BAIAP2L1: variants seen among roughly 807,000 people sequenced by gnomAD.
The protein encoded by BAIAP2L1 is BAR/IMD domain-containing adapter protein 2-like 1.
A neutral mutation model predicts 66.3 loss-of-function variants in BAIAP2L1; 35 were observed. The ratio of observed to expected loss-of-function variants is 0.53; its 90% CI spans 0.40 to 0.70. The LOEUF (loss-of-function observed/expected upper bound fraction) is 0.70. BAIAP2L1 is among the 30% of genes least tolerant of loss of function. The probability of loss-of-function intolerance (pLI) is 0.00; values close to 1 mark genes in which losing one functional copy is unlikely to be tolerated. For synonymous variants in BAIAP2L1, 269 were observed against 248.7 expected (o/e 1.08, Z -0.77); for missense variants, 622 against 656.9 (o/e 0.95, Z 0.58).
intron 1 of BAIAP2L1, among the ~76,000 whole-genome samples, chr7:98,394,574 G>A (rs539206951): frequency 6.6e-6 from 1 of 152,272 alleles, no homozygotes; most frequent in East Asian, 1.9e-4. Flanking sequence ...TAAAAGGATG[G>A]GAAATAGCAG....
At chr7:98,386,686 T>G in intron 1 of BAIAP2L1, 5 of 475,322 alleles carry the variant, frequency 1.1e-5, no homozygotes, top group East Asian at 3.8e-5. Flanking sequence ...TATTCAACTT[T>G]CCAAAGGTTT....
chr7:98,350,116 G>A (rs6971915), intron 3 of BAIAP2L1, among the ~76,000 whole-genome samples: 57,007 of 147,448 alleles, frequency 0.39, 12,149 homozygotes, highest in Middle Eastern at 0.55. Context: ...AAAAAGGGGG[G>A]AAAAAAAAAA....
At chr7:98,296,206 C>T (rs530956172) in intron 12 of BAIAP2L1, among the ~76,000 whole-genome samples, 10 of 152,328 alleles carry the variant, frequency 6.6e-5, no homozygotes, top group East Asian at 1.9e-4. Flanking sequence ...GGGATGGTCA[C>T]GGAGGTGGGC....
At chr7:98,336,142 G>A (rs903691165) in intron 3 of BAIAP2L1, among the ~76,000 whole-genome samples, 2 of 151,032 alleles carry the variant, frequency 1.3e-5, no homozygotes, top group African/African-American at 4.9e-5. Context: ...TGGGGACTAT[G>A]AGGGGGGGTG....
rs62478236 is a variant in BAIAP2L1, at chr7:98,401,065, G to A, written c.-213C>T. 154,070 of 377,936 alleles carry A rather than the reference G, an allele frequency of 0.41. 34,425 individuals carry two copies. Among genetic ancestry groups the A allele is most frequent in the Middle Eastern group, 0.54 (738 of 1,378 alleles). 23.4% of individuals were successfully genotyped at this position (377,936 alleles called of 1,614,324 possible). ...GCCCTGGCCTTCTTCGAGGAGCAGA[G>A]GAGAAGCGGCCGGACGCCGCCAGAG... On this transcript the variant is annotated 5_prime_UTR_variant, in exon 1 of 14. Transcript: ENST00000005260.
rs539041589 is a variant in BAIAP2L1 at position 98,292,872 on chromosome 7, C to G, written c.*649G>C. On this transcript the variant is annotated 3_prime_UTR_variant, in exon 14 of 14. Transcript: ENST00000005260. Reference sequence around the variant, plus strand: ...CCTAACTACCAAGAAAAGGAGCTCTCGGAGGAGATTTCGTCGAGTGCTACG... The same window carrying G: ...CCTAACTACCAAGAAAAGGAGCTCTGGGAGGAGATTTCGTCGAGTGCTACG... 2.1e-6 allele frequency: 3 copies of G among 1,444,538 alleles called. No homozygotes were observed. The Admixed American group carries it at 8.2e-5, about 39-fold the overall frequency. The allele number at this position is 1,444,538 out of a possible 1,614,324, so 89.5% of individuals were successfully genotyped here.
intron 3 of BAIAP2L1, among the ~76,000 whole-genome samples, chr7:98,338,467 A>G (rs1051059277): frequency 1.3e-5 from 2 of 150,488 alleles, no homozygotes; most frequent in East Asian, 3.9e-4. Context: ...GCCATTCCCC[A>G]TTCCCCTTTC....
intron 2 of BAIAP2L1, among the ~76,000 whole-genome samples, chr7:98,359,677 C>T (rs1270337405): frequency 6.6e-6 from 1 of 152,016 alleles, no homozygotes; most frequent in Non-Finnish European, 1.5e-5. Flanking sequence ...GCCACACCAA[C>T]CCACACCACT....
At chr7:98,328,242 C>T (rs1333062533) in intron 3 of BAIAP2L1, among the ~76,000 whole-genome samples, 1 of 151,990 alleles carries the variant, frequency 6.6e-6, no homozygotes, top group East Asian at 1.9e-4. Context: ...GGGCCAGGCA[C>T]CACGAAAGGG....
At chr7:98,309,657 T>C (rs1800798170) in intron 9 of BAIAP2L1, 2 of 152,346 alleles carry the variant, frequency 1.3e-5, no homozygotes, top group Admixed American at 1.3e-4. Flanking sequence ...TTTTGCCCAA[T>C]AGCTTCACAC....
Position 98,306,435 on chromosome 7 carries a change from C to T in BAIAP2L1, c.1241+4G>A. On this transcript the variant is annotated splice_donor_region_variant and intron_variant, in intron 11 of 13. Transcript: ENST00000005260. ...CGGGAGAGCTCAGCCACGTTCAGGG[C>T]TACCTTGGCGTGGGCACGGTCACTG... The T allele has an allele frequency of 1.2e-6, 2 of 1,614,158 alleles. No homozygotes were observed. Among genetic ancestry groups the T allele is most frequent in the East Asian group, 2.2e-5 (1 of 44,886 alleles).
intron 1 of BAIAP2L1, among the ~76,000 whole-genome samples, chr7:98,399,651 A>G (rs1385956880): frequency 6.6e-6 from 1 of 152,202 alleles, no homozygotes; most frequent in Non-Finnish European, 1.5e-5. Context: ...TTAAAACAAA[A>G]GTTGTTTTGT....
rs377093029 is a variant in BAIAP2L1, at chr7:98,303,121, C to T, written c.1422+1075G>A. ...TTTTGAATGAAGTTTCAAAAGCTAG[C>T]ATTCCTAAACCAAATCATGCCAATG... On this transcript the variant is annotated intron_variant, in intron 12 of 13. Transcript: ENST00000005260. Among the ~76,000 whole-genome samples the T allele has an allele frequency of 5.3e-5, 8 of 152,328 alleles. No individual in the cohort carries two copies. In the East Asian group the frequency reaches 9.6e-4, roughly 18 times the overall value.
intron 3 of BAIAP2L1, among the ~76,000 whole-genome samples, chr7:98,333,253 T>C (rs539492800): frequency 1.8e-4 from 27 of 152,148 alleles, no homozygotes; most frequent in Non-Finnish European, 3.1e-4. Flanking sequence ...TTTCATTGAT[T>C]TATCCCCAGC....
In BAIAP2L1 at chr7:98,312,295, AAAG is replaced by A. The variant is rs763570035; in HGVS notation, c.640-34_640-32del. On this transcript the variant is annotated intron_variant, in intron 7 of 13. Transcript: ENST00000005260. The stretch of plus-strand genomic sequence containing the variant: ...AAGCCAAAAGAAGAAGACTAAAGAC[AAAG>A]AAGATTGTCTGAAGAGCTGAGAAAA... 34 of 1,576,126 alleles carry A rather than the reference AAAG, an allele frequency of 2.2e-5. No individual in the cohort carries two copies. In the East Asian group the frequency reaches 4.1e-4, roughly 19 times the overall value.
At chr7:98,294,051 C>T (rs765088736) in intron 13 of BAIAP2L1, 23 bp downstream of exon 13, 3 of 1,612,984 alleles carry the variant, frequency 1.9e-6, no homozygotes, top group Non-Finnish European at 2.5e-6. Flanking sequence ...CACACTGAGG[C>T]TCACGTAGGA....
At position 98,312,116 on chromosome 7, in the gene BAIAP2L1, A is replaced by C; in HGVS notation, c.788T>G (p.Met263Arg). ...PVSGTPQASP[M>R]IERSNVVRKD... The stretch of plus-strand genomic sequence containing the variant: ...TCCTACCACATTGCTTCTCTCGATC[A>C]TGGGTGAAGCCTGAGGAGTTCCAGA... Residue 263 changes from methionine (M) to arginine (R), a missense_variant, in exon 8 of 14, where the codon ATG becomes AGG. By Grantham distance (91) the Met-to-Arg change is moderately conservative (BLOSUM62 -1). Coordinates refer to ENST00000005260, the MANE Select transcript of BAIAP2L1 (RefSeq NM_018842.5). 6.2e-7 allele frequency: 1 copy of C among 1,605,248 alleles called. No individual in the cohort carries two copies. The highest frequency in any genetic ancestry group is 1.1e-5 in the South Asian group (1 of 89,468).
At chr7:98,382,463 C>A (rs1265846245) in intron 1 of BAIAP2L1, among the ~76,000 whole-genome samples, 1 of 151,976 alleles carries the variant, frequency 6.6e-6, no homozygotes, top group African/African-American at 2.4e-5. Flanking sequence ...CTAAGCAACA[C>A]AGGGAGACTG....
chr7:98,385,019 C>T lies in BAIAP2L1; in HGVS notation c.51+15783G>A, dbSNP rs549970646. Among the ~76,000 whole-genome samples, 84 of 152,124 alleles carry T rather than the reference C, an allele frequency of 5.5e-4. 2 individuals are homozygous for T. Among genetic ancestry groups the T allele is most frequent in the East Asian group, 3.5e-3 (18 of 5,140 alleles). Reference sequence around the variant, plus strand: ...CAACCTCATTCTATTGTCTTAAAATCGCAGCTGGGTGGGTGCAGTGGTTCA... The same window carrying T: ...CAACCTCATTCTATTGTCTTAAAATTGCAGCTGGGTGGGTGCAGTGGTTCA... On this transcript the variant is annotated intron_variant, in intron 1 of 13. Coordinates refer to ENST00000005260, the MANE Select transcript of BAIAP2L1 (RefSeq NM_018842.5).
Sources: allele counts gnomAD v4.1 joint callset (sites outside exome capture counted in the v4.1 genomes callset), GRCh38; gene constraint gnomAD v4.1.1; transcripts MANE v1.5; gene names NCBI Gene and HGNC (gene_info 2026-07-23, HGNC 2026-07-21).